The following TOX variants were observed in gnomAD, a reference collection of about 807,000 sequenced individuals.
The protein encoded by TOX is thymocyte selection-associated high mobility group box protein TOX.
A neutral mutation model predicts 53.7 loss-of-function variants in TOX; 11 were observed. That is an observed-to-expected ratio of 0.20 (90% CI 0.13 to 0.34). The LOEUF (loss-of-function observed/expected upper bound fraction) is 0.34. Among genes scored for constraint, TOX ranks in the 10% least tolerant of loss-of-function variants. The pLI is 1.00. For missense variants in TOX, 570 were observed against 664.6 expected, an observed-to-expected ratio of 0.86 and a Z score of 1.56; for synonymous variants, 225 against 245.3, an observed-to-expected ratio of 0.92 and a Z score of 0.77.
chr8:58,924,909 AT>A (rs1288436568), intron 3 of TOX, among the ~76,000 whole-genome samples: 2 of 151,984 alleles, frequency 1.3e-5, no homozygotes, highest in Non-Finnish European at 2.9e-5. Flanking sequence ...CACATTTTTC[AT>A]TTTATCTTTT....
At chr8:58,889,232 A>C (rs78318209) in intron 3 of TOX, among the ~76,000 whole-genome samples, 14 of 123,062 alleles carry the variant, frequency 1.1e-4, no homozygotes, top group Admixed American at 1.1e-3. Flanking sequence ...AAAAAAAAAA[A>C]CAAAAAACCC....
At chr8:59,116,465 T>TG (rs1805100613) in intron 1 of TOX, among the ~76,000 whole-genome samples, 1 of 152,222 alleles carries the variant, frequency 6.6e-6, no homozygotes, top group African/African-American at 2.4e-5. Flanking sequence ...AAATGCTAGT[T>TG]GACTGCATTA....
intron 3 of TOX, among the ~76,000 whole-genome samples, chr8:58,873,045 CCA>C (rs1461374989): frequency 1.3e-5 from 2 of 151,982 alleles, no homozygotes; most frequent in Non-Finnish European, 2.9e-5. Context: ...AAAAATTGCC[CCA>C]GTTTTACTCC....
intron 1 of TOX, among the ~76,000 whole-genome samples, chr8:58,966,092 C>T (rs1812894733): frequency 6.6e-6 from 1 of 152,080 alleles, no homozygotes; most frequent in Admixed American, 6.6e-5. Flanking sequence ...CTAACCCCCA[C>T]ACTTACTGCA....
chr8:59,095,317 G>T (rs1804696508), intron 1 of TOX, among the ~76,000 whole-genome samples: 1 of 152,076 alleles, frequency 6.6e-6, no homozygotes, highest in South Asian at 2.1e-4. Context: ...TTACGACTAG[G>T]ACTTCTAACA....
At chr8:59,085,354 A>G (rs985904254) in intron 1 of TOX, among the ~76,000 whole-genome samples, 10 of 152,226 alleles carry the variant, frequency 6.6e-5, no homozygotes, top group African/African-American at 2.4e-4. Context: ...TATGATGCCA[A>G]ACCACCAATC....
intron 1 of TOX, among the ~76,000 whole-genome samples, chr8:59,047,112 T>C (rs1803698828): frequency 6.7e-6 from 1 of 149,056 alleles, no homozygotes; most frequent in Non-Finnish European, 1.5e-5. Context: ...GTGTTTCTGC[T>C]CACAGCTAGC....
chr8:58,997,021 C>T (rs899521350), intron 1 of TOX, among the ~76,000 whole-genome samples: 3 of 152,200 alleles, frequency 2.0e-5, no homozygotes, highest in African/African-American at 7.2e-5. Context: ...CTATATGACA[C>T]TCACATGTTC....
intron 3 of TOX, among the ~76,000 whole-genome samples, chr8:58,893,844 T>C (rs1327749447): frequency 6.6e-6 from 1 of 152,166 alleles, no homozygotes; most frequent in Non-Finnish European, 1.5e-5. Flanking sequence ...AAGATTGAAG[T>C]GTAAATGCAT....
At chr8:58,868,666 G>A (rs1173550566) in intron 3 of TOX, among the ~76,000 whole-genome samples, 1 of 152,090 alleles carries the variant, frequency 6.6e-6, no homozygotes, top group Non-Finnish European at 1.5e-5. Flanking sequence ...AATAAAATTT[G>A]TGGGATGCAG....
chr8:58,862,898 T>C (rs1044061731), intron 3 of TOX, among the ~76,000 whole-genome samples: 1 of 152,192 alleles, frequency 6.6e-6, no homozygotes, highest in African/African-American at 2.4e-5. Context: ...CTACATGTTC[T>C]AATTTTAATT....
chr8:59,012,649 T>G (rs752627895), intron 1 of TOX, among the ~76,000 whole-genome samples: 15 of 152,122 alleles, frequency 9.9e-5, no homozygotes, highest in African/African-American at 1.7e-4. Flanking sequence ...AACTAAGAAA[T>G]AAGTTCACAT....
At chr8:58,832,419 T>C (rs1256617640) in intron 5 of TOX, among the ~76,000 whole-genome samples, 1 of 152,032 alleles carries the variant, frequency 6.6e-6, no homozygotes, top group Non-Finnish European at 1.5e-5. Flanking sequence ...ATGGCCAAGA[T>C]AAACACATGT....
rs555061439 is a variant in TOX at position 59,105,565 on chromosome 8, A to G, written c.102+13321T>C. ...GTACTGCATACTATATGAAGGCTGG[A>G]TCGTCAGCCTGCAATTTGTTATGTT... On this transcript the variant is annotated intron_variant, in intron 1 of 8. Transcript: ENST00000361421. Among the ~76,000 whole-genome samples, 532 of 152,236 alleles carry G rather than the reference A, an allele frequency of 3.5e-3. 1 individual carries two copies. The highest frequency in any genetic ancestry group is 0.012 in the African/African-American group (492 of 41,566).
At chr8:59,024,515 C>T (rs1442628340) in intron 1 of TOX, among the ~76,000 whole-genome samples, 1 of 152,146 alleles carries the variant, frequency 6.6e-6, no homozygotes, top group Non-Finnish European at 1.5e-5. Context: ...AAAAACAGTT[C>T]GTCCAGATCC....
At chr8:59,047,203 GTTTTTTT>G (rs10551461) in intron 1 of TOX, among the ~76,000 whole-genome samples, 1 of 44,672 alleles carries the variant, frequency 2.2e-5, no homozygotes, top group African/African-American at 9.0e-5. Flanking sequence ...ACCAAGAATT[GTTTTTTT>G]TTTTTTTTTT....
intron 1 of TOX, among the ~76,000 whole-genome samples, chr8:59,022,783 G>C (rs751062648): frequency 6.6e-6 from 1 of 152,154 alleles, no homozygotes; most frequent in African/African-American, 2.4e-5. Flanking sequence ...TGAGCAATCA[G>C]GAGCTAGGAA....
intron 1 of TOX, among the ~76,000 whole-genome samples, chr8:58,994,190 G>A (rs1042918268): frequency 6.6e-6 from 1 of 152,192 alleles, no homozygotes; most frequent in Non-Finnish European, 1.5e-5. Context: ...GTCTAGAAAA[G>A]TCTGCATGGA....
intron 1 of TOX, among the ~76,000 whole-genome samples, chr8:59,076,098 T>A (rs1804288949): frequency 6.6e-6 from 1 of 151,294 alleles, no homozygotes; most frequent in Admixed American, 6.6e-5. Context: ...GTAAACCAGG[T>A]TAGAAGAATC....
Sources: allele counts gnomAD v4.1 joint callset (sites outside exome capture counted in the v4.1 genomes callset), GRCh38; gene constraint gnomAD v4.1.1; transcripts MANE v1.5; gene names NCBI Gene and HGNC (gene_info 2026-07-23, HGNC 2026-07-21).